The following ANKS1A variants were observed in gnomAD, a reference collection of about 807,000 sequenced individuals.
The protein encoded by ANKS1A is ankyrin repeat and SAM domain-containing protein 1A.
ANKS1A carries 55 observed loss-of-function variants against 120.3 expected under a neutral mutation model. The ratio of observed to expected loss-of-function variants is 0.46; its 90% CI spans 0.37 to 0.57. ANKS1A has a LOEUF of 0.57. ANKS1A is among the 20% of genes least tolerant of loss of function. The probability of loss-of-function intolerance (pLI) is 0.00; values close to 1 mark genes in which losing one functional copy is unlikely to be tolerated. For synonymous variants in ANKS1A, 590 were observed against 604.7 expected, an observed-to-expected ratio of 0.98 and a Z score of 0.36; for missense variants, 1,123 against 1,480.3, an observed-to-expected ratio of 0.76 and a Z score of 3.96.
intron 1 of ANKS1A, among the ~76,000 whole-genome samples, chr6:34,933,071 C>A (rs1212752155): frequency 6.6e-6 from 1 of 152,176 alleles, no homozygotes; most frequent in Non-Finnish European, 1.5e-5. Context: ...ATGACTATTA[C>A]TATTGAACAT....
intron 3 of ANKS1A, among the ~76,000 whole-genome samples, chr6:34,980,188 G>A (rs192089570): frequency 6.6e-6 from 1 of 152,380 alleles, no homozygotes; most frequent in Non-Finnish European, 1.5e-5. Context: ...TGGCAGGCCG[G>A]CTGTATCCTC....
chr6:34,945,368 G>A (rs1013743232), intron 1 of ANKS1A, among the ~76,000 whole-genome samples: 2 of 152,222 alleles, frequency 1.3e-5, no homozygotes. Context: ...GTGAGCCACC[G>A]CACCTGACCT....
At chr6:35,093,521 A>G (rs1176265838), downstream of ANKS1A, among the ~76,000 whole-genome samples, 3 of 152,178 alleles carry the variant, frequency 2.0e-5, no homozygotes, top group Non-Finnish European at 2.9e-5. Flanking sequence ...AAAACTAAAC[A>G]TTTCTGCATA....
intron 1 of ANKS1A, among the ~76,000 whole-genome samples, chr6:34,933,572 G>A (rs1171713069): frequency 1.3e-5 from 2 of 152,166 alleles, no homozygotes; most frequent in Non-Finnish European, 2.9e-5. Context: ...GTTTCTCCAT[G>A]TTGGTCAGGC....
At chr6:34,966,469 A>G (rs1770900569) in intron 1 of ANKS1A, among the ~76,000 whole-genome samples, 1 of 152,254 alleles carries the variant, frequency 6.6e-6, no homozygotes, top group African/African-American at 2.4e-5. Flanking sequence ...TAGAAGCAGG[A>G]ACAAAACAAG....
chr6:35,093,663 T>C (rs1184118243), downstream of ANKS1A, among the ~76,000 whole-genome samples: 1 of 152,138 alleles, frequency 6.6e-6, no homozygotes, highest in Non-Finnish European at 1.5e-5. Flanking sequence ...GATGCTCTTT[T>C]CCCTGCTCTT....
In ANKS1A at chr6:34,990,763, G is replaced by A. The variant is rs551321246; in HGVS notation, c.1302+1447G>A. Among the ~76,000 whole-genome samples the A allele has an allele frequency of 1.1e-4, 16 of 152,258 alleles. 1 individual carries two copies. The highest frequency in any genetic ancestry group is 8.5e-4 in the Admixed American group (13 of 15,296). On this transcript the variant is annotated intron_variant, in intron 9 of 23. Transcript: ENST00000360359. The stretch of plus-strand genomic sequence containing the variant: ...AAATCTTCATATTACTCTCCTAGAT[G>A]GGAGAGTTTGAGATACATTTTCTAA...
intron 1 of ANKS1A, among the ~76,000 whole-genome samples, chr6:34,921,310 T>C (rs1197648478): frequency 6.6e-6 from 1 of 152,192 alleles, no homozygotes; most frequent in Non-Finnish European, 1.5e-5. Context: ...TTTATTTTTA[T>C]TAAGCCTCTT....
chr6:35,063,201 C>T lies in ANKS1A; in HGVS notation c.2184+2948C>T, dbSNP rs1776605869. ...CAGGGAGAGAGGGAAACGTGGCTCA[C>T]ACATCTGCCAGCCAGCCAGCCCACG... is the stretch of plus-strand genomic sequence containing the variant. On this transcript the variant is annotated intron_variant, in intron 13 of 23. Coordinates refer to ENST00000360359, the MANE Select transcript of ANKS1A (RefSeq NM_015245.3). 1.3e-5 allele frequency among the ~76,000 whole-genome samples: 2 copies of T among 152,242 alleles called. 1 individual carries two copies. The highest frequency in any genetic ancestry group is 2.9e-5 in the Non-Finnish European group (2 of 68,048).
At chr6:34,971,656 A>G (rs1283440452) in intron 3 of ANKS1A, among the ~76,000 whole-genome samples, 2 of 152,210 alleles carry the variant, frequency 1.3e-5, no homozygotes, top group South Asian at 2.1e-4. Context: ...TTTTCCCTCA[A>G]AAAATAGGAA....
downstream of ANKS1A, among the ~76,000 whole-genome samples, chr6:35,094,010 A>T (rs1477504161): frequency 6.6e-6 from 1 of 152,216 alleles, no homozygotes; most frequent in Non-Finnish European, 1.5e-5. Context: ...CTACAGGGGC[A>T]GCCGGGAGTG....
In ANKS1A at chr6:35,060,184, G is replaced by A; in HGVS notation, c.2115G>A (p.Leu705=). 6.2e-7 allele frequency: 1 copy of A among 1,613,274 alleles called. No homozygotes were observed. Among genetic ancestry groups the A allele is most frequent in the South Asian group, 1.1e-5 (1 of 90,804 alleles). Residue 705 remains leucine (L), a synonymous_variant, in exon 13 of 24, where the codon CTG becomes CTA. Transcript: ENST00000360359. This position sits in a 1 kb window ranked among gnomAD's most constrained non-coding sequence, Gnocchi z 4.5. ...TGGAGCAGAGTGTCGGGGAGTGGCT[G>A]GAGTCGATTGGGCTGCAGCAGTATG... ...RTLEQSVGEW[L]ESIGLQQYES...
chr6:35,085,762 C>T lies in ANKS1A; in HGVS notation c.3133-4C>T. 1 of 1,582,328 alleles carries T rather than the reference C, an allele frequency of 6.3e-7. No homozygotes were observed. The highest frequency in any genetic ancestry group is 1.4e-5 in the African/African-American group (1 of 73,750). On this transcript the variant is annotated splice_polypyrimidine_tract_variant and splice_region_variant and intron_variant, in intron 21 of 23. Coordinates refer to ENST00000360359, the MANE Select transcript of ANKS1A (RefSeq NM_015245.3). The surrounding 1 kb of genome is among the most constrained non-coding windows in gnomAD (Gnocchi z 4.7). ...TGCTTAAGTGGTGATCTGCTTCCTC[C>T]CAGAACCTGACCTACGAGATCATCC...
In ANKS1A at chr6:35,085,937, G is replaced by A; in HGVS notation, c.3303+1G>A. The stretch of plus-strand genomic sequence containing the variant: ...TCGGGTCGGCGTGAGGAAATCCGCA[G>A]TACGTGGGCCCCACTGGCCAAGATC... On this transcript the variant is annotated splice_donor_variant, in intron 22 of 23. Transcript: ENST00000360359. LOFTEE classifies it high-confidence loss of function. The surrounding 1 kb of genome is among the most constrained non-coding windows in gnomAD (Gnocchi z 4.7). 6.3e-7 allele frequency: 1 copy of A among 1,598,014 alleles called. No homozygotes were observed. The highest frequency in any genetic ancestry group is 8.5e-7 in the Non-Finnish European group (1 of 1,173,760).
chr6:34,951,099 C>T (rs1467288229), intron 1 of ANKS1A, among the ~76,000 whole-genome samples: 2 of 152,170 alleles, frequency 1.3e-5, no homozygotes, highest in Non-Finnish European at 2.9e-5. Flanking sequence ...ACTGTACTTA[C>T]TGTTATGCAG....
At chr6:35,091,444 T>TTGA (rs1383169869), downstream of ANKS1A, 1 of 984,732 alleles carries the variant, frequency 1.0e-6, no homozygotes, top group Non-Finnish European at 1.2e-6. Context: ...GGAAAGCGTC[T>TTGA]TGATGGTTTT....
chr6:35,085,915 G>T lies in ANKS1A; in HGVS notation c.3282G>T (p.Arg1094=). The T allele has an allele frequency of 6.2e-7, 1 of 1,610,112 alleles. No homozygotes were observed. The highest frequency in any genetic ancestry group is 8.5e-7 in the Non-Finnish European group (1 of 1,178,792). ...TKSSKPVPKP[R]VGVRKSALEP... is the part of the protein sequence containing the mutation. ...CTTCCAAACCGGTGCCTAAGCCTCG[G>T]GTCGGCGTGAGGAAATCCGCAGTAC... The change falls in exon 22 of 24, where the codon CGG becomes CGT. Residue 1094 remains arginine (R), a synonymous_variant. Coordinates refer to ENST00000360359, the MANE Select transcript of ANKS1A (RefSeq NM_015245.3). The surrounding 1 kb of genome is among the most constrained non-coding windows in gnomAD (Gnocchi z 4.7).
chr6:35,000,915 T>C (rs1264473934), intron 10 of ANKS1A, among the ~76,000 whole-genome samples: 1 of 152,174 alleles, frequency 6.6e-6, no homozygotes, highest in East Asian at 1.9e-4. Flanking sequence ...ACATGTTAGC[T>C]AAAGTTAAAA....
chr6:34,921,034 A>G (rs561916678), intron 1 of ANKS1A, among the ~76,000 whole-genome samples: 1 of 152,358 alleles, frequency 6.6e-6, no homozygotes, highest in African/African-American at 2.4e-5. Context: ...CAATGAGACT[A>G]TCATGCAGGC....
Sources: gnomAD v4.1 joint callset for allele counts (sites outside exome capture counted in the v4.1 genomes callset) on GRCh38, gnomAD v4.1.1 for gene constraint, Gnocchi (gnomAD v3.1) non-coding constraint, MANE v1.5 for transcripts, NCBI Gene and HGNC (gene_info 2026-07-23, HGNC 2026-07-21) for gene names.